TRPM3: variants seen among roughly 807,000 people sequenced by gnomAD.
TRPM3 encodes long transient receptor potential channel 3.
Under a neutral mutation model 181.2 loss-of-function variants are expected in TRPM3, and 77 were observed. The ratio of observed to expected loss-of-function variants is 0.42; its 90% CI spans 0.35 to 0.51. The LOEUF is 0.51. TRPM3 is among the 20% of genes least tolerant of loss of function. The pLI, the probability that TRPM3 is intolerant of heterozygous loss-of-function variation, is 0.01. For missense variants in TRPM3, 1,759 were observed against 2,196.7 expected (o/e 0.80, Z 3.98); for synonymous variants, 745 against 796.4 (o/e 0.94, Z 1.09).
intron 7 of TRPM3, among the ~76,000 whole-genome samples, chr9:70,767,057 G>C (rs992145629): frequency 6.6e-6 from 1 of 152,226 alleles, no homozygotes; most frequent in East Asian, 1.9e-4. Context: ...TTTTAGGAAA[G>C]AGTCACTGAC....
chr9:71,083,713 TACACACACACACACACAC>T (rs34900575), intron 1 of TRPM3, among the ~76,000 whole-genome samples: 1 of 145,290 alleles, frequency 6.9e-6, no homozygotes, highest in African/African-American at 2.5e-5. Flanking sequence ...TATTATTATG[TACACACACACACACACAC>T]ACACACACAC....
intron 1 of TRPM3, among the ~76,000 whole-genome samples, chr9:71,016,509 A>G (rs935975474): frequency 2.0e-5 from 3 of 152,192 alleles, no homozygotes; most frequent in African/African-American, 7.2e-5. Flanking sequence ...GGAACCATAT[A>G]CAATTTGTCC....
intron 1 of TRPM3, among the ~76,000 whole-genome samples, chr9:71,304,364 C>G (rs913190707): frequency 6.6e-6 from 1 of 152,164 alleles, no homozygotes; most frequent in African/African-American, 2.4e-5. Flanking sequence ...CCCACCTCAT[C>G]CGACGGAAGG....
intron 1 of TRPM3, among the ~76,000 whole-genome samples, chr9:71,033,506 C>T (rs2134726569): frequency 6.6e-6 from 1 of 152,240 alleles, no homozygotes; most frequent in Non-Finnish European, 1.5e-5. Context: ...TAATAATAGA[C>T]ACTGAAATAA....
intron 12 of TRPM3, among the ~76,000 whole-genome samples, chr9:70,628,767 C>A (rs2065128273): frequency 7.4e-6 from 1 of 134,850 alleles, no homozygotes; most frequent in Non-Finnish European, 1.5e-5. Flanking sequence ...TGAAGTGAGC[C>A]GAGATTGCAC....
intron 8 of TRPM3, among the ~76,000 whole-genome samples, chr9:70,701,526 T>C (rs2072568670): frequency 6.6e-6 from 1 of 152,166 alleles, no homozygotes; most frequent in African/African-American, 2.4e-5. Flanking sequence ...CTCATATCAA[T>C]GTCAGGCTTC....
At chr9:70,822,363 A>C (rs534618645) in intron 6 of TRPM3, among the ~76,000 whole-genome samples, 1 of 152,200 alleles carries the variant, frequency 6.6e-6, no homozygotes, top group African/African-American at 2.4e-5. Flanking sequence ...ATGACCATGC[A>C]TCACTCTTGA....
At chr9:70,689,609 C>G (rs1274350694) in intron 8 of TRPM3, among the ~76,000 whole-genome samples, 1 of 151,464 alleles carries the variant, frequency 6.6e-6, no homozygotes, top group Admixed American at 6.6e-5. Flanking sequence ...CAGACGGAAC[C>G]AATAAGAGAA....
At chr9:70,609,884 T>C (rs2061748682) in intron 19 of TRPM3, among the ~76,000 whole-genome samples, 1 of 150,694 alleles carries the variant, frequency 6.6e-6, no homozygotes, top group Non-Finnish European at 1.5e-5. Context: ...GAATTGGAGA[T>C]GACCTGGGCC....
intron 1 of TRPM3, among the ~76,000 whole-genome samples, chr9:71,144,220 G>C (rs2075286486): frequency 6.6e-6 from 1 of 151,980 alleles, no homozygotes; most frequent in African/African-American, 2.4e-5. Context: ...TATTACTCTG[G>C]TTTGACCTTG....
intron 1 of TRPM3, among the ~76,000 whole-genome samples, chr9:70,879,545 T>C (rs1163247491): frequency 1.3e-5 from 2 of 152,082 alleles, no homozygotes; most frequent in Non-Finnish European, 2.9e-5. Context: ...TATATTCTCA[T>C]GATGTTCTCT....
At chr9:70,615,220 T>C (rs1034638045) in intron 18 of TRPM3, among the ~76,000 whole-genome samples, 1 of 152,214 alleles carries the variant, frequency 6.6e-6, no homozygotes, top group Non-Finnish European at 1.5e-5. Context: ...GAGAAAGTCC[T>C]TATGGAGCTG....
intron 1 of TRPM3, among the ~76,000 whole-genome samples, chr9:70,910,368 T>C (rs1478356847): frequency 6.6e-6 from 1 of 151,848 alleles, no homozygotes; most frequent in African/African-American, 2.4e-5. Flanking sequence ...AGTCAGGATA[T>C]GATTATTTTG....
At chr9:71,248,220 A>G (rs1049992519) in intron 1 of TRPM3, among the ~76,000 whole-genome samples, 1 of 152,210 alleles carries the variant, frequency 6.6e-6, no homozygotes, top group Non-Finnish European at 1.5e-5. Flanking sequence ...GACTTAGTAA[A>G]CTGAATAGTC....
chr9:71,341,775 A>G (rs1374124549), intron 1 of TRPM3, among the ~76,000 whole-genome samples: 1 of 152,054 alleles, frequency 6.6e-6, no homozygotes, highest in African/African-American at 2.4e-5. Flanking sequence ...TAATTTTCCT[A>G]TGGTTATGTA....
intron 1 of TRPM3, among the ~76,000 whole-genome samples, chr9:71,277,800 A>G (rs957833047): frequency 2.0e-5 from 3 of 152,256 alleles, no homozygotes; most frequent in Non-Finnish European, 4.4e-5. Flanking sequence ...ATGCTTCAGC[A>G]ATGTGTAATC....
intron 1 of TRPM3, among the ~76,000 whole-genome samples, chr9:71,090,775 A>G (rs567311881): frequency 6.6e-6 from 1 of 152,192 alleles, no homozygotes; most frequent in South Asian, 2.1e-4. Context: ...TTTCATTTGT[A>G]AAATAAGAAT....
chr9:70,609,017 A>C (rs1298647183), intron 19 of TRPM3, among the ~76,000 whole-genome samples: 1 of 152,224 alleles, frequency 6.6e-6, no homozygotes, highest in Non-Finnish European at 1.5e-5. Flanking sequence ...CAACGTGAAT[A>C]GCCTAGAAGA....
At chr9:70,860,341 C>A (rs902703456) in intron 3 of TRPM3, among the ~76,000 whole-genome samples, 2 of 152,112 alleles carry the variant, frequency 1.3e-5, no homozygotes, top group African/African-American at 2.4e-5. Context: ...AATCGCAAAG[C>A]CTCTCTTTCC....
Sources: allele counts gnomAD v4.1 joint callset (sites outside exome capture counted in the v4.1 genomes callset), GRCh38; gene constraint gnomAD v4.1.1; transcripts MANE v1.5; gene names NCBI Gene and HGNC (gene_info 2026-07-23, HGNC 2026-07-21).